MBP: variants seen among roughly 807,000 people sequenced by gnomAD.
MBP encodes the protein Golli-MBP.
A neutral mutation model predicts 35.8 loss-of-function variants in MBP; 16 were observed. The observed-to-expected ratio is 0.45, with a 90% CI of 0.30 to 0.68. The LOEUF (loss-of-function observed/expected upper bound fraction) is 0.68. Ranked by LOEUF, MBP falls within the 30% of genes least tolerant of loss-of-function variation. MBP has a pLI of 0.08. For synonymous variants in MBP, 143 were observed against 159.6 expected (o/e 0.90, Z 0.78); for missense variants, 380 against 404.7 (o/e 0.94, Z 0.52).
chr18:76,990,108 C>A (rs371301851), intron 4 of MBP, 48 bp from the exon 5 acceptor site: 2 of 1,256,924 alleles, frequency 1.6e-6, no homozygotes, highest in Admixed American at 3.9e-5. Flanking sequence ...ACAGTCCCTG[C>A]GGCTTGTCCT....
rs529411261 is a variant in MBP, at chr18:77,017,202, C to A, written c.206G>T (p.Arg69Leu). Residue 69 changes from arginine to leucine, a missense_variant, in exon 4 of 9, where the codon CGC (arginine) becomes CTC (leucine). Coordinates refer to ENST00000355994, the MANE Select transcript of MBP (RefSeq NM_001025101.2). ...SQDTAVTDSK[R>L]TADPKNAWQD... is the part of the protein sequence containing the mutation. ...CCAGGCATTCTTCGGGTCCGCTGTG[C>A]GCTTGGAGTCAGTCACCGCTGTGTC... The A allele has an allele frequency of 6.5e-7, 1 of 1,530,144 alleles. No individual in the cohort carries two copies. Among genetic ancestry groups the A allele is most frequent in the Admixed American group, 2.1e-5 (1 of 46,750 alleles). The allele number at this position is 1,530,144 out of a possible 1,614,324, so 94.8% of individuals were successfully genotyped here. A position where few individuals can be genotyped will look rare whatever the true frequency, so the allele number is the denominator to read the frequency against.
At chr18:77,067,192 C>T (rs1431644501) in intron 2 of MBP, among the ~76,000 whole-genome samples, 1 of 152,224 alleles carries the variant, frequency 6.6e-6, no homozygotes, top group African/African-American at 2.4e-5. Context: ...GCTGAAACCC[C>T]GGGGTCTCCT....
At chr18:77,087,074 C>T (rs1342140832) in intron 2 of MBP, among the ~76,000 whole-genome samples, 1 of 152,052 alleles carries the variant, frequency 6.6e-6, no homozygotes, top group Non-Finnish European at 1.5e-5. Flanking sequence ...TTTATTAATT[C>T]CATAGAAAAA....
At chr18:77,002,359 G>A (rs183678554) in intron 4 of MBP, among the ~76,000 whole-genome samples, 9 of 152,330 alleles carry the variant, frequency 5.9e-5, no homozygotes, top group African/African-American at 9.6e-5. Context: ...AGAATGACAC[G>A]TTAGAAAAAT....
At chr18:77,029,873 CTAA>C (rs1972478623) in intron 3 of MBP, among the ~76,000 whole-genome samples, 2 of 152,024 alleles carry the variant, frequency 1.3e-5, no homozygotes, top group South Asian at 4.2e-4. Context: ...AGCCCGGAAA[CTAA>C]TAATTTTCCT....
chr18:77,047,779 G>A (rs543367219), intron 3 of MBP, among the ~76,000 whole-genome samples: 3 of 152,268 alleles, frequency 2.0e-5, no homozygotes, highest in Admixed American at 2.0e-4. Context: ...TATTTTTAAG[G>A]CAACTGGGAG....
chr18:77,022,083 G>A (rs377597188), intron 3 of MBP, among the ~76,000 whole-genome samples: 2 of 152,286 alleles, frequency 1.3e-5, no homozygotes, highest in African/African-American at 4.8e-5. Context: ...GGATTCCAGT[G>A]CTTCTGATTT....
chr18:77,078,347 T>C (rs1326242865), intron 2 of MBP, among the ~76,000 whole-genome samples: 1 of 152,190 alleles, frequency 6.6e-6, no homozygotes, highest in African/African-American at 2.4e-5. Flanking sequence ...CCACCCGCTC[T>C]CCCAGGTTTC....
intron 3 of MBP, among the ~76,000 whole-genome samples, chr18:77,063,074 G>A (rs1974048308): frequency 6.6e-6 from 1 of 152,164 alleles, no homozygotes; most frequent in South Asian, 2.1e-4. Context: ...TCATGTCAAG[G>A]AAAGACCTTT....
At chr18:77,058,844 C>T (rs982979359) in intron 3 of MBP, among the ~76,000 whole-genome samples, 5 of 152,338 alleles carry the variant, frequency 3.3e-5, no homozygotes, top group African/African-American at 1.2e-4. Context: ...AGAGACGCTG[C>T]AGTTCAACAT....
intron 7 of MBP, chr18:76,987,514 C>G: frequency 4.1e-6 from 4 of 985,716 alleles, no homozygotes; most frequent in Non-Finnish European, 4.8e-6. Context: ...TCTCTTCCTT[C>G]CTCTTCCCCA....
At chr18:77,116,265 T>G (rs1278212811) in intron 1 of MBP, among the ~76,000 whole-genome samples, 1 of 152,254 alleles carries the variant, frequency 6.6e-6, no homozygotes. Flanking sequence ...AACCTCACCA[T>G]GGTCTCACGA....
chr18:77,006,732 G>A (rs978775729), intron 4 of MBP: 4 of 152,252 alleles, frequency 2.6e-5, no homozygotes, highest in African/African-American at 9.7e-5. Flanking sequence ...GAGCACCGGT[G>A]TCTCTGGGAG....
intron 8 of MBP, 44 bp from the exon 9 acceptor site, chr18:76,980,515 T>C (rs1969123625): frequency 6.7e-7 from 1 of 1,491,438 alleles, no homozygotes; most frequent in Non-Finnish European, 9.4e-7. Context: ...TGCCGCAGGG[T>C]CCTCCCACAC....
intron 1 of MBP, among the ~76,000 whole-genome samples, chr18:77,130,065 A>G (rs1214525811): frequency 2.0e-5 from 3 of 151,816 alleles, no homozygotes; most frequent in African/African-American, 7.3e-5. Context: ...AAAAAAGAAA[A>G]AGAAAAGGAG....
intron 3 of MBP, among the ~76,000 whole-genome samples, chr18:77,045,104 T>G (rs636692): frequency 0.65 from 98,228 of 151,752 alleles, 33,989 homozygotes; most frequent in Non-Finnish European, 0.78. Context: ...CATGTCTGGG[T>G]TTAATCTGCT....
chr18:77,105,498 C>T (rs777142176), intron 1 of MBP, among the ~76,000 whole-genome samples: 15 of 152,174 alleles, frequency 9.9e-5, no homozygotes, highest in East Asian at 1.9e-4. Flanking sequence ...AAAACAGAAC[C>T]GCACCAACAT....
intron 2 of MBP, among the ~76,000 whole-genome samples, chr18:77,090,395 C>T (rs1975457107): frequency 6.6e-6 from 1 of 152,066 alleles, no homozygotes; most frequent in South Asian, 2.1e-4. Flanking sequence ...TCCATGCTTT[C>T]ACCAGCTACC....
chr18:77,024,513 A>G (rs1306396836), intron 3 of MBP, among the ~76,000 whole-genome samples: 7 of 152,238 alleles, frequency 4.6e-5, no homozygotes, highest in Non-Finnish European at 1.0e-4. Context: ...ATCCTTTCCT[A>G]AAGTCCAAAC....
Sources: gnomAD v4.1 joint callset for allele counts (sites outside exome capture counted in the v4.1 genomes callset) on GRCh38, gnomAD v4.1.1 for gene constraint, MANE v1.5 for transcripts, NCBI Gene and HGNC (gene_info 2026-07-23, HGNC 2026-07-21) for gene names.